Variants in STARD13 observed in about 807,000 individuals in gnomAD.
STARD13 encodes stAR-related lipid transfer protein 13.
STARD13 carries 62 observed loss-of-function variants against 106.4 expected under a neutral mutation model. The observed-to-expected ratio is 0.58, with a 90% confidence interval of 0.48 to 0.72. STARD13 has a LOEUF of 0.72. Among genes scored for constraint, STARD13 ranks in the 30% least tolerant of loss-of-function variants. STARD13 has a pLI of 0.00. For synonymous variants in STARD13, 565 were observed against 553.0 expected (o/e 1.02, Z -0.31); for missense variants, 1,387 against 1,424.0 (o/e 0.97, Z 0.42).
At chr13:33,506,884 G>T in the STARD13 span, among the ~76,000 whole-genome samples, 3 of 152,126 alleles carry the variant, frequency 2.0e-5, no homozygotes, top group Non-Finnish European at 2.9e-5. Flanking sequence ...GGCCAAGATG[G>T]GAGGATCCCT....
At chr13:33,653,102 C>G in the STARD13 span, among the ~76,000 whole-genome samples, 1 of 152,102 alleles carries the variant, frequency 6.6e-6, no homozygotes, top group Non-Finnish European at 1.5e-5. Flanking sequence ...CCATACTGCT[C>G]AAATTGATAT....
rs1228215234 is a variant in STARD13 at position 33,127,489 on chromosome 13, C to T, written c.1806G>A (p.Ser602=). 13 of 1,592,026 alleles carry T rather than the reference C, an allele frequency of 8.2e-6. No individual in the cohort carries two copies. Among genetic ancestry groups the T allele is most frequent in the African/African-American group, 2.7e-5 (2 of 74,552 alleles). Residue 602 remains serine (S), a synonymous_variant, in exon 6 of 14, where the codon TCG becomes TCA. Transcript: ENST00000336934. ...TGGCCGTCTGGCTGCTGATGTGGGGCGATGCTGGGGCCGGCCGGGGCTGGT... is the reference window on the plus strand; with the variant it reads ...TGGCCGTCTGGCTGCTGATGTGGGGTGATGCTGGGGCCGGCCGGGGCTGGT... ...LSHQPRPAPA[S]PHISSQTASQ... is the part of the protein sequence containing the mutation.
the STARD13 span, among the ~76,000 whole-genome samples, chr13:33,528,317 T>C: frequency 1.4e-5 from 2 of 145,118 alleles, no homozygotes; most frequent in African/African-American, 2.6e-5. Context: ...TCACCCAGGC[T>C]GAAGTACAGT....
intron 1 of STARD13, among the ~76,000 whole-genome samples, chr13:33,349,402 G>A (rs982608491): frequency 5.9e-5 from 9 of 152,134 alleles, no homozygotes; most frequent in African/African-American, 1.9e-4. Flanking sequence ...CCCTTATTGG[G>A]GCAGGCATGA....
chr13:33,619,015 T>C, the STARD13 span, among the ~76,000 whole-genome samples: 51 of 152,064 alleles, frequency 3.4e-4, no homozygotes, highest in South Asian at 2.9e-3. Context: ...AAGAAAGTGA[T>C]TGCTTCAGGG....
chr13:33,495,420 G>A, the STARD13 span, among the ~76,000 whole-genome samples: 3 of 152,104 alleles, frequency 2.0e-5, no homozygotes, highest in Admixed American at 1.3e-4. Flanking sequence ...GGTACTATTC[G>A]AGAAAGCCTT....
At chr13:33,196,104 G>A (rs773354484) in intron 1 of STARD13, among the ~76,000 whole-genome samples, 1 of 152,224 alleles carries the variant, frequency 6.6e-6, no homozygotes, top group African/African-American at 2.4e-5. Flanking sequence ...AAAGAATTAG[G>A]CTGGGTGCAG....
chr13:33,607,849 T>C, the STARD13 span, among the ~76,000 whole-genome samples: 2 of 152,220 alleles, frequency 1.3e-5, no homozygotes, highest in South Asian at 4.1e-4. Flanking sequence ...ACACAATTTA[T>C]GTTAATAATA....
intron 1 of STARD13, among the ~76,000 whole-genome samples, chr13:33,179,050 A>G (rs541178293): frequency 2.1e-4 from 32 of 152,374 alleles, no homozygotes; most frequent in Admixed American, 6.5e-4. Context: ...ATGAAGATAC[A>G]TTCTAATTTC....
the STARD13 span, among the ~76,000 whole-genome samples, chr13:33,586,074 T>G: frequency 2.3e-4 from 35 of 152,094 alleles, no homozygotes; most frequent in Non-Finnish European, 8.8e-5. Context: ...AAAGGTAAAT[T>G]TTATGATATA....
chr13:33,299,630 G>T (rs1347239926), intron 1 of STARD13, among the ~76,000 whole-genome samples: 1 of 152,188 alleles, frequency 6.6e-6, no homozygotes, highest in Non-Finnish European at 1.5e-5. Flanking sequence ...GATTTGAGAA[G>T]TTATCCTGTG....
In STARD13 at chr13:33,255,102, C is replaced by CT. The variant is rs949795831; in HGVS notation, c.169+30367_169+30368insA. Among the ~76,000 whole-genome samples, 388 of 143,594 alleles carry CT rather than the reference C, an allele frequency of 2.7e-3. 1 individual carries two copies. Among genetic ancestry groups the CT allele is most frequent in the African/African-American group, 9.8e-3 (377 of 38,448 alleles). The allele number at this position is 143,594 out of a possible 152,430, so 94.2% of individuals were successfully genotyped here. On this transcript the variant is annotated intron_variant, in intron 1 of 13. Transcript: ENST00000336934. Reference sequence around the variant, plus strand: ...TATACCTGTCCATCTGTGTGCTCCCCCCCCCCTCAGAGGCTTGATCAGGTT... The same window carrying CT: ...TATACCTGTCCATCTGTGTGCTCCCCTCCCCCCTCAGAGGCTTGATCAGGTT...
chr13:33,488,064 G>C, the STARD13 span, among the ~76,000 whole-genome samples: 2 of 152,094 alleles, frequency 1.3e-5, no homozygotes, highest in African/African-American at 2.4e-5. Flanking sequence ...GTTCTTGTTT[G>C]TGTGTCTCTG....
chr13:33,287,634 AGTT>A (rs1294421882), upstream of STARD13, among the ~76,000 whole-genome samples: 1 of 152,178 alleles, frequency 6.6e-6, no homozygotes, highest in Non-Finnish European at 1.5e-5. Flanking sequence ...CATATTGCAA[AGTT>A]GGCTGCCTGG....
the STARD13 span, among the ~76,000 whole-genome samples, chr13:33,377,744 C>T: frequency 6.6e-6 from 1 of 152,114 alleles, no homozygotes; most frequent in Non-Finnish European, 1.5e-5. Context: ...GAAAAGCCTA[C>T]ACTTAGAGCA....
intron 1 of STARD13, among the ~76,000 whole-genome samples, chr13:33,234,149 C>T (rs540703757): frequency 6.6e-6 from 1 of 152,190 alleles, no homozygotes; most frequent in Non-Finnish European, 1.5e-5. Context: ...CCCTCTTGAA[C>T]CTCTTGGTTC....
chr13:33,642,606 T>G, the STARD13 span, among the ~76,000 whole-genome samples: 1 of 152,176 alleles, frequency 6.6e-6, no homozygotes, highest in Non-Finnish European at 1.5e-5. Context: ...AAGATCCAGC[T>G]GCTTAATTTT....
chr13:33,401,582 C>G, the STARD13 span, among the ~76,000 whole-genome samples: 1 of 152,182 alleles, frequency 6.6e-6, no homozygotes, highest in South Asian at 2.1e-4. Context: ...TCAGGATAGT[C>G]CAGGGTGCTT....
At chr13:33,447,182 T>C in the STARD13 span, among the ~76,000 whole-genome samples, 1 of 152,232 alleles carries the variant, frequency 6.6e-6, no homozygotes, top group Non-Finnish European at 1.5e-5. Context: ...GAAAAATATT[T>C]GAAGCAAGTT....
Sources: gnomAD v4.1 joint callset for allele counts (sites outside exome capture counted in the v4.1 genomes callset) on GRCh38, gnomAD v4.1.1 for gene constraint, MANE v1.5 for transcripts, NCBI Gene and HGNC (gene_info 2026-07-23, HGNC 2026-07-21) for gene names.